The following EML5 variants were observed in gnomAD, a reference collection of about 807,000 sequenced individuals.
EML5 encodes the protein EMAP like 5.
In EML5, 120 loss-of-function variants were observed where a neutral mutation model predicts 250.0. That is an observed-to-expected ratio of 0.48 (90% CI 0.41 to 0.56). EML5 has a LOEUF of 0.56. EML5 is among the 20% of genes least tolerant of loss of function. The pLI, the probability that EML5 is intolerant of heterozygous loss-of-function variation, is 0.00. For missense variants in EML5, 2,006 were observed against 2,437.6 expected, an observed-to-expected ratio of 0.82 and a Z score of 3.73; for synonymous variants, 771 against 806.5, an observed-to-expected ratio of 0.96 and a Z score of 0.75.
chr14:88,714,138 T>G (rs2093452709), intron 9 of EML5, among the ~76,000 whole-genome samples: 2 of 152,150 alleles, frequency 1.3e-5, no homozygotes, highest in South Asian at 4.1e-4. Flanking sequence ...ATGCCCAGCC[T>G]GCAAAGTTTA....
At position 88,715,175 on chromosome 14, in the gene EML5, T is replaced by C. The variant is rs1157122904; in HGVS notation, c.1208A>G (p.His403Arg). ...LRVRDMTEVV[H>R]IKDRKEAIHE... ...AATTGCCTCCTTCCTATCTTTAATA[T>C]GTACAACTTCCGTCATATCTCTGTT... is the stretch of plus-strand genomic sequence containing the variant. Residue 403 changes from histidine to arginine, a missense_variant, in exon 9 of 44, where the codon CAT becomes CGT. Physicochemically the swap from His to Arg is conservative, Grantham distance 29. Coordinates refer to ENST00000554922, the MANE Select transcript of EML5 (RefSeq NM_183387.3). 2 of 1,599,558 alleles carry C rather than the reference T, an allele frequency of 1.3e-6. No homozygotes were observed. The highest frequency in any genetic ancestry group is 2.2e-5 in the South Asian group (2 of 89,076).
chr14:88,755,158 T>C (rs192502809), intron 1 of EML5, among the ~76,000 whole-genome samples: 12 of 152,358 alleles, frequency 7.9e-5, no homozygotes, highest in African/African-American at 1.2e-4. Context: ...TAACAGTTAC[T>C]ACTTCATAGA....
At position 88,792,540 on chromosome 14, in the gene EML5, C is replaced by G. The variant is rs1449224027; in HGVS notation, c.-37G>C. On this transcript the variant is annotated 5_prime_UTR_variant, in exon 1 of 44. Transcript: ENST00000554922. This position sits in a 1 kb window ranked among gnomAD's most constrained non-coding sequence, Gnocchi z 6.9. ...CACCCGCCGCTCCCGCTCGGGCCCG[C>G]GGCGGCGACGGGAGGCGGCGGCGGC... The G allele has an allele frequency of 4.0e-6, 5 of 1,235,436 alleles. No homozygotes were observed. In the African/African-American group the frequency reaches 7.9e-5, roughly 20 times the overall value. The allele number at this position is 1,235,436 out of a possible 1,614,324, so 76.5% of individuals were successfully genotyped here. A position where few individuals can be genotyped will look rare whatever the true frequency, so the allele number is the denominator to read the frequency against.
At chr14:88,784,869 A>C (rs574754105) in intron 1 of EML5, among the ~76,000 whole-genome samples, 1 of 151,606 alleles carries the variant, frequency 6.6e-6, no homozygotes, top group South Asian at 2.1e-4. Flanking sequence ...GGAAATCAGG[A>C]TATCAAGGAG....
rs1393601852 is a variant in EML5, at chr14:88,665,551, G to C, written c.3125-62C>G. On this transcript the variant is annotated intron_variant, in intron 21 of 43. Coordinates refer to ENST00000554922, the MANE Select transcript of EML5 (RefSeq NM_183387.3). ...TTTTCTAATTTAAAGTATGGGCCAG[G>C]TGTGGTGGCTCATGCCTATAATCCA... The C allele has an allele frequency of 7.5e-6, 12 of 1,598,970 alleles. No individual in the cohort carries two copies. The South Asian group carries it at 1.1e-4, about 15-fold the overall frequency.
intron 1 of EML5, among the ~76,000 whole-genome samples, chr14:88,779,039 T>G (rs2094472607): frequency 6.6e-6 from 1 of 152,212 alleles, no homozygotes; most frequent in East Asian, 1.9e-4. Flanking sequence ...CTCTCTTTTC[T>G]TCTGGCGCAA....
intron 21 of EML5, among the ~76,000 whole-genome samples, chr14:88,675,788 C>T (rs2092581698): frequency 6.6e-6 from 1 of 152,148 alleles, no homozygotes; most frequent in African/African-American, 2.4e-5. Flanking sequence ...TTAAACAACA[C>T]CAAAGTCACC....
At chr14:88,784,408 GA>G (rs138042791) in intron 1 of EML5, among the ~76,000 whole-genome samples, 131 of 131,802 alleles carry the variant, frequency 9.9e-4, no homozygotes, top group Non-Finnish European at 1.5e-3. Flanking sequence ...GCCACATTAA[GA>G]AAAAAAAAAC....
Position 88,715,191 on chromosome 14 carries a change from T to A in EML5, c.1192A>T (p.Met398Leu), listed in dbSNP as rs1313865688. The A allele has an allele frequency of 1.3e-6, 2 of 1,582,452 alleles. No individual in the cohort carries two copies. Among genetic ancestry groups the A allele is most frequent in the Admixed American group, 3.7e-5 (2 of 54,486 alleles). Residue 398 changes from methionine to leucine, a missense_variant, in exon 9 of 44, where the codon ATG becomes TTG. Physicochemically the swap from Met to Leu is conservative, Grantham distance 15. This residue lies in a region of EML5 where 1,375 missense variants were observed against 1,590.3 expected (regional missense o/e 0.86). Transcript: ENST00000554922. The part of the protein sequence containing the change: ...GSFTVLRVRD[M>L]TEVVHIKDRK... The stretch of plus-strand genomic sequence containing the variant: ...TCTTTAATATGTACAACTTCCGTCA[T>A]ATCTCTGTTAAAAAGAAAAAAATGA...
At chr14:88,685,350 A>T (rs1014252351) in intron 19 of EML5, among the ~76,000 whole-genome samples, 3 of 152,196 alleles carry the variant, frequency 2.0e-5, no homozygotes, top group Admixed American at 6.5e-5. Context: ...TTATAAGTCT[A>T]TGATTCTATT....
chr14:88,698,428 G>A (rs1207167678), intron 14 of EML5, among the ~76,000 whole-genome samples: 3 of 151,768 alleles, frequency 2.0e-5, no homozygotes, highest in Admixed American at 6.6e-5. Context: ...CACCATGCCC[G>A]GCTAATTTTT....
intron 21 of EML5, among the ~76,000 whole-genome samples, chr14:88,681,008 T>G (rs1489392521): frequency 6.6e-6 from 1 of 152,202 alleles, no homozygotes; most frequent in Non-Finnish European, 1.5e-5. Flanking sequence ...GATTTTATAT[T>G]CTTTATCTGA....
intron 8 of EML5, among the ~76,000 whole-genome samples, chr14:88,723,967 G>T (rs2093628026): frequency 6.6e-6 from 1 of 151,912 alleles, no homozygotes; most frequent in Non-Finnish European, 1.5e-5. Context: ...CACTCCTGGT[G>T]CAGGTACTTT....
rs2090111129 is a variant in EML5 at position 88,627,715 on chromosome 14, T to C, written c.4462A>G (p.Thr1488Ala). The C allele has an allele frequency of 1.2e-6, 2 of 1,613,466 alleles. No individual in the cohort carries two copies. Among genetic ancestry groups the C allele is most frequent in the African/African-American group, 2.7e-5 (2 of 74,918 alleles). ...CCCACAGACAGCAATAGTTTGCCAG[T>C]AGCACTGAAGCTGACTGAACATACT... is the stretch of plus-strand genomic sequence containing the variant. Reference protein sequence around the residue: ...KGVCSVSFSATGKLLLSVGLD... With the variant: ...KGVCSVSFSAAGKLLLSVGLD... Residue 1488 changes from threonine (T) to alanine (A), a missense_variant, in exon 34 of 44, where the codon ACT becomes GCT. Thr to Ala is a moderately conservative substitution (Grantham distance 58, BLOSUM62 0). Transcript: ENST00000554922.
At chr14:88,631,490 C>T (rs183747101) in intron 33 of EML5, among the ~76,000 whole-genome samples, 2 of 152,244 alleles carry the variant, frequency 1.3e-5, no homozygotes, top group Admixed American at 6.5e-5. Context: ...CTAAGATTGC[C>T]GGGCACGGTG....
Position 88,661,728 on chromosome 14 carries a change from G to C in EML5, c.3601C>G (p.Leu1201Val), listed in dbSNP as rs370999647. The C allele has an allele frequency of 3.7e-6, 6 of 1,613,526 alleles. No homozygotes were observed. The highest frequency in any genetic ancestry group is 5.1e-6 in the Non-Finnish European group (6 of 1,179,776). ...GEVTDVTASC[L>V]TSDKMVLATG... The stretch of plus-strand genomic sequence containing the variant: ...GCTAGAACCATTTTGTCACTGGTGA[G>C]GCAAGAAGCAGTTACATCTGTAACT... The change falls in exon 25 of 44, where the codon CTC (leucine) becomes GTC (valine). Residue 1201 changes from leucine to valine, a missense_variant. Leu to Val is a conservative substitution (Grantham distance 32). Around this residue, in one of 7 missense-constraint regions of EML5, gnomAD observed 1,375 missense variants for 1,590.3 expected, o/e 0.86. Transcript: ENST00000554922.
intron 34 of EML5, 55 bp downstream of exon 34, chr14:88,627,591 C>A: frequency 6.6e-7 from 1 of 1,510,754 alleles, no homozygotes; most frequent in African/African-American, 1.4e-5. Flanking sequence ...TACAGAATTC[C>A]TACTACCTTT....
rs1555416423 is a variant in EML5 at position 88,620,950 on chromosome 14, AAG to A, written c.5203-26_5203-25del. Reference sequence around the variant, plus strand: ...TTCTGCATTTAAAAAAAAAAAAAAAAAGAGTCATAGGAAACATTAAGTGAAGT... The same window carrying A: ...TTCTGCATTTAAAAAAAAAAAAAAAAAGTCATAGGAAACATTAAGTGAAGT... On this transcript the variant is annotated intron_variant, in intron 38 of 43. Coordinates refer to ENST00000554922, the MANE Select transcript of EML5 (RefSeq NM_183387.3). This position sits in a 1 kb window ranked among gnomAD's most constrained non-coding sequence, Gnocchi z 4.3. 53 of 1,478,480 alleles carry A rather than the reference AAG, an allele frequency of 3.6e-5. No homozygotes were observed. Among genetic ancestry groups the A allele is most frequent in the Non-Finnish European group, 4.3e-5 (48 of 1,117,872 alleles). 91.6% of individuals were successfully genotyped at this position (1,478,480 alleles called of 1,614,324 possible).
At chr14:88,732,829 T>A (rs1354710757) in intron 7 of EML5, among the ~76,000 whole-genome samples, 1 of 152,194 alleles carries the variant, frequency 6.6e-6, no homozygotes, top group African/African-American at 2.4e-5. Context: ...TGTCTTTCTT[T>A]TGAGACGGAG....
Sources: allele counts gnomAD v4.1 joint callset (sites outside exome capture counted in the v4.1 genomes callset), GRCh38; gene constraint gnomAD v4.1.1; regional missense constraint gnomAD v4.1.1; non-coding constraint Gnocchi (gnomAD v3.1); transcripts MANE v1.5; gene names NCBI Gene and HGNC (gene_info 2026-07-23, HGNC 2026-07-21).